The following KCND2 variants were observed in gnomAD, a reference collection of about 807,000 sequenced individuals.
KCND2 encodes the protein potassium voltage-gated channel subfamily D member 2, also known as A-type voltage-gated potassium channel KCND2.
A neutral mutation model predicts 54.4 loss-of-function variants in KCND2; 16 were observed. The observed-to-expected ratio is 0.29, with a 90% CI of 0.20 to 0.45. The LOEUF (loss-of-function observed/expected upper bound fraction) is 0.45. KCND2 is among the 20% of genes least tolerant of loss of function. The pLI is 1.00. For synonymous variants in KCND2, 317 were observed against 310.7 expected (o/e 1.02, Z -0.21); for missense variants, 486 against 824.2 (o/e 0.59, Z 5.02).
At chr7:120,535,099 A>G (rs1240226937) in intron 1 of KCND2, among the ~76,000 whole-genome samples, 2 of 152,160 alleles carry the variant, frequency 1.3e-5, no homozygotes, top group Non-Finnish European at 1.5e-5. Flanking sequence ...CCTTGCTATT[A>G]TAGTAATCTT....
chr7:120,410,854 T>C (rs1296795728), intron 1 of KCND2, among the ~76,000 whole-genome samples: 2 of 151,894 alleles, frequency 1.3e-5, no homozygotes, highest in East Asian at 3.9e-4. Context: ...GCTTCATCCA[T>C]GTCCCTACAG....
At chr7:120,715,882 C>T (rs559870511) in intron 1 of KCND2, among the ~76,000 whole-genome samples, 49 of 152,204 alleles carry the variant, frequency 3.2e-4, no homozygotes, top group African/African-American at 1.2e-3. Context: ...ACTTGTTTGA[C>T]TTGTTTCATT....
chr7:120,665,933 C>T (rs1332534884), intron 1 of KCND2, among the ~76,000 whole-genome samples: 1 of 151,880 alleles, frequency 6.6e-6, no homozygotes, highest in Non-Finnish European at 1.5e-5. Context: ...ATATTTTTTA[C>T]AAATAACAAT....
intron 1 of KCND2, among the ~76,000 whole-genome samples, chr7:120,444,270 C>G (rs1400959874): frequency 6.6e-6 from 1 of 152,080 alleles, no homozygotes; most frequent in Admixed American, 6.6e-5. Context: ...CAACACCTCC[C>G]TCCCTCTACC....
At chr7:120,663,800 A>G (rs551592695) in intron 1 of KCND2, among the ~76,000 whole-genome samples, 1 of 152,194 alleles carries the variant, frequency 6.6e-6, no homozygotes, top group Non-Finnish European at 1.5e-5. Context: ...ATGCACCACG[A>G]TATTTCCCAA....
chr7:120,398,852 A>G (rs545927388), intron 1 of KCND2, among the ~76,000 whole-genome samples: 1 of 152,230 alleles, frequency 6.6e-6, no homozygotes, highest in African/African-American at 2.4e-5. Flanking sequence ...AACTGGTGGC[A>G]AGAAAACAAT....
intron 1 of KCND2, among the ~76,000 whole-genome samples, chr7:120,386,503 A>G (rs963227672): frequency 7.2e-5 from 11 of 152,128 alleles, no homozygotes; most frequent in African/African-American, 2.4e-4. Context: ...ACCCAACAAC[A>G]AAGAGTAAAT....
At chr7:120,507,501 A>T (rs367774810) in intron 1 of KCND2, among the ~76,000 whole-genome samples, 3 of 151,934 alleles carry the variant, frequency 2.0e-5, no homozygotes, top group Non-Finnish European at 2.9e-5. Context: ...TGTAAGCAGA[A>T]GTCTTGAATG....
chr7:120,651,230 C>T (rs1214654611), intron 1 of KCND2, among the ~76,000 whole-genome samples: 2 of 143,210 alleles, frequency 1.4e-5, no homozygotes, highest in Non-Finnish European at 3.0e-5. Flanking sequence ...TCTACAGAGG[C>T]AGGCAGGCCT....
intron 1 of KCND2, among the ~76,000 whole-genome samples, chr7:120,660,059 T>G (rs1171908609): frequency 1.3e-5 from 2 of 152,194 alleles, no homozygotes; most frequent in Non-Finnish European, 2.9e-5. Context: ...TGGGTGGGCA[T>G]GGTTAATATA....
intron 1 of KCND2, among the ~76,000 whole-genome samples, chr7:120,418,694 A>G (rs946069978): frequency 6.6e-6 from 1 of 152,146 alleles, no homozygotes; most frequent in Non-Finnish European, 1.5e-5. Context: ...TCTGACTCCA[A>G]TTCACCAATC....
chr7:120,735,344 C>G (rs1040699746), intron 2 of KCND2, among the ~76,000 whole-genome samples: 3 of 152,048 alleles, frequency 2.0e-5, no homozygotes, highest in African/African-American at 7.2e-5. Context: ...AGTACAGTCC[C>G]TCTACTGAGT....
At chr7:120,724,596 G>T (rs962802332) in intron 1 of KCND2, among the ~76,000 whole-genome samples, 2 of 152,128 alleles carry the variant, frequency 1.3e-5, no homozygotes, top group Non-Finnish European at 2.9e-5. Flanking sequence ...ATGCTAAAGA[G>T]CTTGGCTCTT....
intron 1 of KCND2, among the ~76,000 whole-genome samples, chr7:120,643,292 A>G (rs80118554): frequency 0.037 from 5,631 of 152,248 alleles, 197 homozygotes; most frequent in South Asian, 0.072. Flanking sequence ...GCTGTATATG[A>G]TAGGCTGTAA....
At chr7:120,440,677 A>G (rs1302499972) in intron 1 of KCND2, among the ~76,000 whole-genome samples, 1 of 151,860 alleles carries the variant, frequency 6.6e-6, no homozygotes, top group Non-Finnish European at 1.5e-5. Context: ...ATGGTGAGAG[A>G]CAGGTTCTAG....
intron 1 of KCND2, among the ~76,000 whole-genome samples, chr7:120,682,494 A>G (rs1260603084): frequency 6.6e-6 from 1 of 152,082 alleles, no homozygotes; most frequent in African/African-American, 2.4e-5. Context: ...AAAAATACAT[A>G]TTCAAAAAGT....
chr7:120,625,300 T>C (rs951447241), intron 1 of KCND2, among the ~76,000 whole-genome samples: 3 of 152,188 alleles, frequency 2.0e-5, no homozygotes, highest in Admixed American at 6.5e-5. Flanking sequence ...AAAAATGTAA[T>C]GGTCTCATTA....
At chr7:120,678,037 G>A (rs1421595854) in intron 1 of KCND2, among the ~76,000 whole-genome samples, 1 of 151,882 alleles carries the variant, frequency 6.6e-6, no homozygotes. Context: ...ACTGTCAGTG[G>A]AATAGATGGC....
At position 120,511,268 on chromosome 7, in the gene KCND2, G is replaced by A. The variant is rs957653114; in HGVS notation, c.1116-221635G>A. ...AAATCTTCCCTCACCCTACCCACAC[G>A]AATTCTTATTACCATGCTTTGTTTT... On this transcript the variant is annotated intron_variant, in intron 1 of 5. Coordinates refer to ENST00000331113, the MANE Select transcript of KCND2 (RefSeq NM_012281.3). Among the ~76,000 whole-genome samples, 5 of 151,774 alleles carry A rather than the reference G, an allele frequency of 3.3e-5. No homozygotes were observed. The East Asian group carries it at 5.8e-4, about 18-fold the overall frequency.
Sources: allele counts gnomAD v4.1 joint callset (sites outside exome capture counted in the v4.1 genomes callset), GRCh38; gene constraint gnomAD v4.1.1; transcripts MANE v1.5; gene names NCBI Gene and HGNC (gene_info 2026-07-23, HGNC 2026-07-21).